MAGI3: variants seen among roughly 807,000 people sequenced by gnomAD.
The protein encoded by MAGI3 is membrane-associated guanylate kinase, WW and PDZ domain-containing protein 3.
In MAGI3, 43 loss-of-function variants were observed where a neutral mutation model predicts 121.8. That is an observed-to-expected ratio of 0.35 (90% CI 0.28 to 0.46). The LOEUF (loss-of-function observed/expected upper bound fraction) is 0.46. MAGI3 is among the 20% of genes least tolerant of loss of function. MAGI3 has a pLI of 1.00. For synonymous variants in MAGI3, 553 were observed against 639.3 expected (o/e 0.86, Z 2.04); for missense variants, 1,547 against 1,797.3 (o/e 0.86, Z 2.52).
intron 14 of MAGI3, among the ~76,000 whole-genome samples, chr1:113,652,376 G>A (rs1427132361): frequency 6.6e-6 from 1 of 152,168 alleles, no homozygotes; most frequent in Non-Finnish European, 1.5e-5. Flanking sequence ...TTAATTGGAT[G>A]AATATTTACA....
rs145962502 is a variant in MAGI3, at chr1:113,424,858, G to T, written c.316+33509G>T. On this transcript the variant is annotated intron_variant, in intron 1 of 20. Transcript: ENST00000307546. ...GCACGTTATGTAAATCTGGGACCAG[G>T]TGTGGTGGCTCACGCCTGTAATCCC... Among the ~76,000 whole-genome samples, 385 of 152,304 alleles carry T rather than the reference G, an allele frequency of 2.5e-3. 1 individual carries two copies. Among genetic ancestry groups the T allele is most frequent in the Non-Finnish European group, 3.8e-3 (258 of 68,034 alleles).
At chr1:113,515,147 G>C (rs752912579) in intron 1 of MAGI3, among the ~76,000 whole-genome samples, 1 of 151,996 alleles carries the variant, frequency 6.6e-6, no homozygotes, top group Non-Finnish European at 1.5e-5. Flanking sequence ...ACCATTTCTT[G>C]AGTAAAAATG....
At chr1:113,604,383 A>G (rs1475388946) in intron 6 of MAGI3, among the ~76,000 whole-genome samples, 1 of 151,930 alleles carries the variant, frequency 6.6e-6, no homozygotes, top group Admixed American at 6.6e-5. Flanking sequence ...CCTGGCCAAT[A>G]TGGTGAAACC....
chr1:113,552,915 C>T (rs1659842634), intron 2 of MAGI3, among the ~76,000 whole-genome samples: 1 of 152,142 alleles, frequency 6.6e-6, no homozygotes, highest in South Asian at 2.1e-4. Context: ...GATTCTAGGT[C>T]TGGTACAAGG....
Position 113,646,479 on chromosome 1 carries a change from A to C in MAGI3, c.1999-7A>C. 1 of 1,584,164 alleles carries C rather than the reference A, an allele frequency of 6.3e-7. No individual in the cohort carries two copies. The highest frequency in any genetic ancestry group is 8.6e-7 in the Non-Finnish European group (1 of 1,169,304). On this transcript the variant is annotated splice_polypyrimidine_tract_variant and splice_region_variant and intron_variant, in intron 11 of 20. Transcript: ENST00000307546. ...AAAATACTAAGTAAGGCTCTTTTCC[A>C]TTTCAGAAAACAGATAAAAAGGAAA...
rs1386753799 is a variant in MAGI3 at position 113,422,147 on chromosome 1, A to G, written c.316+30798A>G. Among the ~76,000 whole-genome samples, 3 of 152,236 alleles carry G rather than the reference A, an allele frequency of 2.0e-5. No individual in the cohort carries two copies. The highest frequency in any genetic ancestry group is 1.5e-5 in the Non-Finnish European group (1 of 68,038). On this transcript the variant is annotated intron_variant, in intron 1 of 20. Coordinates refer to ENST00000307546, the MANE Select transcript of MAGI3 (RefSeq NM_001142782.2). This position sits in a 1 kb window ranked among gnomAD's most constrained non-coding sequence, Gnocchi z 4.3. ...CTTTTATTGAGCTAACTAAATTCAC[A>G]TGTAGTTATAAGAAATAATAGAGAT...
intron 1 of MAGI3, among the ~76,000 whole-genome samples, chr1:113,528,889 A>G (rs1658576801): frequency 6.6e-6 from 1 of 152,240 alleles, no homozygotes; most frequent in Non-Finnish European, 1.5e-5. Context: ...ATAAGAATGT[A>G]AGTCAGAATA....
intron 1 of MAGI3, among the ~76,000 whole-genome samples, chr1:113,400,407 T>G (rs986936814): frequency 1.3e-5 from 2 of 152,142 alleles, no homozygotes; most frequent in South Asian, 4.1e-4. Flanking sequence ...TATTAAATGT[T>G]GGTAGATTAT....
intron 7 of MAGI3, among the ~76,000 whole-genome samples, chr1:113,615,081 C>T (rs868376249): frequency 6.6e-6 from 1 of 152,080 alleles, no homozygotes; most frequent in Non-Finnish European, 1.5e-5. Flanking sequence ...GAAGCATACA[C>T]CTAAAGGTGT....
intron 19 of MAGI3, among the ~76,000 whole-genome samples, chr1:113,677,417 A>G (rs1317325914): frequency 2.6e-5 from 4 of 152,232 alleles, no homozygotes; most frequent in African/African-American, 7.2e-5. Context: ...GAGATCACTC[A>G]TCCTGTGCAG....
intron 6 of MAGI3, among the ~76,000 whole-genome samples, chr1:113,612,482 T>G (rs1305456327): frequency 7.2e-6 from 1 of 139,048 alleles, no homozygotes; most frequent in Admixed American, 7.3e-5. Context: ...GAAAAAAGAA[T>G]AAAATGAATA....
chr1:113,577,050 T>C (rs973852116), intron 2 of MAGI3, among the ~76,000 whole-genome samples: 2 of 152,184 alleles, frequency 1.3e-5, no homozygotes, highest in African/African-American at 4.8e-5. Context: ...ATGCATTATT[T>C]AGTTGGTACA....
In MAGI3 at chr1:113,416,236, T is replaced by TTATTATGTG. The variant is rs1211643123; in HGVS notation, c.316+24889_316+24890insTTATGTGTA. 4.6e-4 allele frequency among the ~76,000 whole-genome samples: 64 copies of TTATTATGTG among 139,146 alleles called. 11 individuals carry two copies. Among genetic ancestry groups the TTATTATGTG allele is most frequent in the South Asian group, 4.0e-3 (18 of 4,490 alleles). The allele number at this position is 139,146 out of a possible 152,430, so 91.3% of individuals were successfully genotyped here. A position where few individuals can be genotyped will look rare whatever the true frequency, so the allele number is the denominator to read the frequency against. ...TATTATGTGTAATTAATGACACATATTAATTATGTAATTAATTACACATAT... is the reference window on the plus strand; with the variant it reads ...TATTATGTGTAATTAATGACACATATTATTATGTGTAATTATGTAATTAATTACACATAT... On this transcript the variant is annotated intron_variant, in intron 1 of 20. Transcript: ENST00000307546.
intron 1 of MAGI3, among the ~76,000 whole-genome samples, chr1:113,453,970 C>A (rs911898287): frequency 8.5e-5 from 13 of 152,170 alleles, no homozygotes; most frequent in African/African-American, 3.1e-4. Context: ...AGAAATGGTG[C>A]ATAGGAAATA....
chr1:113,434,685 C>T (rs1653474800), intron 1 of MAGI3, among the ~76,000 whole-genome samples: 1 of 152,132 alleles, frequency 6.6e-6, no homozygotes. Flanking sequence ...AATTTATCTC[C>T]TAAGTAAGGT....
chr1:113,572,800 C>T (rs562690615), intron 2 of MAGI3, among the ~76,000 whole-genome samples: 2 of 152,106 alleles, frequency 1.3e-5, no homozygotes, highest in South Asian at 2.1e-4. Context: ...CTTTTTTATT[C>T]TGGCTAGTTG....
chr1:113,632,331 A>C (rs1256577622), intron 9 of MAGI3, among the ~76,000 whole-genome samples: 1 of 152,192 alleles, frequency 6.6e-6, no homozygotes, highest in Non-Finnish European at 1.5e-5. Flanking sequence ...AGGATTTCAA[A>C]ATGTAGTTTC....
intron 1 of MAGI3, among the ~76,000 whole-genome samples, chr1:113,421,491 A>G (rs1182881393): frequency 6.6e-6 from 1 of 152,158 alleles, no homozygotes; most frequent in African/African-American, 2.4e-5. Context: ...GTTTCATAAA[A>G]TCCAGGCTTT....
intron 3 of MAGI3, among the ~76,000 whole-genome samples, chr1:113,584,856 T>C (rs1192777866): frequency 6.6e-6 from 1 of 152,088 alleles, no homozygotes; most frequent in Non-Finnish European, 1.5e-5. Context: ...TTAGATAATA[T>C]ATGTGAAGAG....
Sources: gnomAD v4.1 joint callset for allele counts (sites outside exome capture counted in the v4.1 genomes callset) on GRCh38, gnomAD v4.1.1 for gene constraint, Gnocchi (gnomAD v3.1) non-coding constraint, MANE v1.5 for transcripts, NCBI Gene and HGNC (gene_info 2026-07-23, HGNC 2026-07-21) for gene names.